Variants in MEGF11 observed in about 807,000 individuals in gnomAD.
MEGF11 encodes multiple epidermal growth factor-like domains protein 11.
A neutral mutation model predicts 146.6 loss-of-function variants in MEGF11; 126 were observed. That is an observed-to-expected ratio of 0.86 (90% CI 0.74 to 1.00). MEGF11 has a LOEUF of 1.00. Among genes scored for constraint, MEGF11 ranks in the 50% least tolerant of loss-of-function variants. The pLI, the probability that MEGF11 is intolerant of heterozygous loss-of-function variation, is 0.00. For synonymous variants in MEGF11, 532 were observed against 583.4 expected (o/e 0.91, Z 1.27); for missense variants, 1,509 against 1,521.2 (o/e 0.99, Z 0.13).
At chr15:65,944,765 G>A (rs1438938128) in intron 10 of MEGF11, among the ~76,000 whole-genome samples, 1 of 152,120 alleles carries the variant, frequency 6.6e-6, no homozygotes, top group Admixed American at 6.5e-5. Context: ...TGCAAAGACA[G>A]CCCAGAATTT....
intron 5 of MEGF11, among the ~76,000 whole-genome samples, chr15:66,015,772 G>A (rs888786786): frequency 6.6e-6 from 1 of 152,188 alleles, no homozygotes; most frequent in African/African-American, 2.4e-5. Context: ...CCCTGGGAAG[G>A]AGTGCTGGGA....
intron 5 of MEGF11, among the ~76,000 whole-genome samples, chr15:66,025,266 G>T (rs914272338): frequency 6.6e-6 from 1 of 152,190 alleles, no homozygotes; most frequent in African/African-American, 2.4e-5. Flanking sequence ...GAAGTCCCCT[G>T]CTGCTGGCAG....
At chr15:66,252,789 A>G (rs2092394341) in intron 1 of MEGF11, among the ~76,000 whole-genome samples, 1 of 152,202 alleles carries the variant, frequency 6.6e-6, no homozygotes, top group Non-Finnish European at 1.5e-5. Flanking sequence ...AGCCACAACC[A>G]CCACCCATTT....
chr15:66,046,590 C>T (rs1348094673), intron 5 of MEGF11, among the ~76,000 whole-genome samples: 1 of 152,234 alleles, frequency 6.6e-6, no homozygotes, highest in African/African-American at 2.4e-5. Context: ...TAAGACTTCT[C>T]ACGCAGGCTT....
chr15:66,078,358 G>A (rs571150866), intron 5 of MEGF11, among the ~76,000 whole-genome samples: 1 of 152,276 alleles, frequency 6.6e-6, no homozygotes, highest in South Asian at 2.1e-4. Context: ...CGCCTGAGTG[G>A]AGAGCTCACA....
chr15:66,008,406 C>T (rs543539230), intron 5 of MEGF11, among the ~76,000 whole-genome samples: 30 of 4,378 alleles, frequency 6.9e-3, no homozygotes, highest in East Asian at 0.05. Flanking sequence ...TGCACACGCG[C>T]GCGCGCACAC....
intron 1 of MEGF11, among the ~76,000 whole-genome samples, chr15:66,239,113 T>C (rs1477876313): frequency 1.3e-5 from 2 of 152,228 alleles, no homozygotes; most frequent in African/African-American, 2.4e-5. Context: ...CTCTGGTCTC[T>C]GACCCACTTC....
chr15:66,049,065 G>A (rs2084346040), intron 5 of MEGF11, among the ~76,000 whole-genome samples: 1 of 152,176 alleles, frequency 6.6e-6, no homozygotes, highest in African/African-American at 2.4e-5. Context: ...TTCTGGGGGA[G>A]GCAGCCACAG....
At chr15:66,147,961 C>T (rs150652757) in intron 1 of MEGF11, among the ~76,000 whole-genome samples, 6 of 152,240 alleles carry the variant, frequency 3.9e-5, no homozygotes, top group African/African-American at 1.4e-4. Flanking sequence ...CGATTTGGAG[C>T]CATGCATGGG....
intron 10 of MEGF11, among the ~76,000 whole-genome samples, chr15:65,942,229 G>C (rs1054505057): frequency 1.3e-5 from 2 of 152,148 alleles, no homozygotes; most frequent in African/African-American, 4.8e-5. Flanking sequence ...AATGTCCTGA[G>C]CCCATGCAAC....
At chr15:66,086,836 C>G (rs1316370457) in intron 5 of MEGF11, among the ~76,000 whole-genome samples, 1 of 152,190 alleles carries the variant, frequency 6.6e-6, no homozygotes, top group African/African-American at 2.4e-5. Context: ...CATTTCAATA[C>G]TAACATTGAA....
At chr15:66,070,836 A>C (rs529046742) in intron 5 of MEGF11, among the ~76,000 whole-genome samples, 1 of 152,322 alleles carries the variant, frequency 6.6e-6, no homozygotes, top group African/African-American at 2.4e-5. Flanking sequence ...ACCACATAGT[A>C]AGTGCTTCAT....
intron 1 of MEGF11, among the ~76,000 whole-genome samples, chr15:66,176,821 G>A (rs1031756633): frequency 1.3e-5 from 2 of 152,200 alleles, no homozygotes; most frequent in Admixed American, 6.5e-5. Flanking sequence ...GGTTCTGTCT[G>A]CCTGAGAGAT....
chr15:66,091,669 G>A lies in MEGF11; in HGVS notation c.394+2733C>T, dbSNP rs1464708337. On this transcript the variant is annotated intron_variant, in intron 5 of 25. Transcript: ENST00000395614. The stretch of plus-strand genomic sequence containing the variant: ...AGTTTGTTGTGAAAATTAAACAAGT[G>A]GATAAGTAAATAAAGCACTCAGTGC... Among the ~76,000 whole-genome samples the A allele has an allele frequency of 4.6e-5, 7 of 152,134 alleles. No individual in the cohort carries two copies. The East Asian group carries it at 1.2e-3, about 25-fold the overall frequency.
At chr15:66,042,958 G>A (rs775148396) in intron 5 of MEGF11, among the ~76,000 whole-genome samples, 14 of 152,198 alleles carry the variant, frequency 9.2e-5, no homozygotes, top group Non-Finnish European at 1.3e-4. Flanking sequence ...TGCTTTTTTA[G>A]AGGGGACATA....
chr15:66,156,441 C>G (rs1189740272), intron 1 of MEGF11, among the ~76,000 whole-genome samples: 2 of 152,152 alleles, frequency 1.3e-5, no homozygotes, highest in Admixed American at 6.5e-5. Flanking sequence ...CTTGACCACT[C>G]CAGGCAGCCT....
chr15:65,975,567 C>T (rs1489330014), intron 7 of MEGF11, among the ~76,000 whole-genome samples: 2 of 152,122 alleles, frequency 1.3e-5, no homozygotes, highest in Non-Finnish European at 2.9e-5. Flanking sequence ...GTCCTGTTGC[C>T]TGGTCTGGTG....
At chr15:66,109,452 T>C (rs1420507956) in intron 4 of MEGF11, among the ~76,000 whole-genome samples, 3 of 152,180 alleles carry the variant, frequency 2.0e-5, no homozygotes, top group Non-Finnish European at 4.4e-5. Context: ...TAGCTAAGTT[T>C]TACTGAGCTC....
intron 1 of MEGF11, among the ~76,000 whole-genome samples, chr15:66,153,904 T>C (rs1218650883): frequency 3.9e-5 from 6 of 152,152 alleles, no homozygotes; most frequent in Non-Finnish European, 5.9e-5. Flanking sequence ...TGGGCAACAG[T>C]GGGCCCTCCC....
Sources: allele counts gnomAD v4.1 joint callset (sites outside exome capture counted in the v4.1 genomes callset), GRCh38; gene constraint gnomAD v4.1.1; transcripts MANE v1.5; gene names NCBI Gene and HGNC (gene_info 2026-07-23, HGNC 2026-07-21).